Variants in TXK observed in about 807,000 individuals in gnomAD.
TXK encodes tyrosine-protein kinase TXK.
A neutral mutation model predicts 81.0 loss-of-function variants in TXK; 60 were observed. That is an observed-to-expected ratio of 0.74 (90% confidence interval 0.60 to 0.92). TXK has a LOEUF of 0.92. TXK is among the 40% of genes least tolerant of loss of function. The pLI is 0.00. For synonymous variants in TXK, 203 were observed against 210.7 expected (o/e 0.96, Z 0.32); for missense variants, 581 against 638.3 (o/e 0.91, Z 0.97).
intron 1 of TXK, among the ~76,000 whole-genome samples, chr4:48,115,922 A>T (rs1287305348): frequency 6.6e-6 from 1 of 152,186 alleles, no homozygotes; most frequent in Non-Finnish European, 1.5e-5. Flanking sequence ...ACATTTCCCC[A>T]TCAGCTCATA....
intron 6 of TXK, among the ~76,000 whole-genome samples, chr4:48,100,710 T>A (rs1256848280): frequency 6.6e-6 from 1 of 152,194 alleles, no homozygotes; most frequent in Non-Finnish European, 1.5e-5. Context: ...CAAACCCATA[T>A]AAATGGGAAA....
At chr4:48,104,762 T>C in intron 6 of TXK, 139 bp downstream of exon 6, 1 of 623,082 alleles carries the variant, frequency 1.6e-6, no homozygotes, top group Non-Finnish European at 2.7e-6. Flanking sequence ...ATTTACAACT[T>C]CACATAAAAT....
intron 6 of TXK, among the ~76,000 whole-genome samples, chr4:48,102,445 A>T (rs1175388512): frequency 6.6e-6 from 1 of 152,160 alleles, no homozygotes; most frequent in Non-Finnish European, 1.5e-5. Flanking sequence ...GAAGGTATAC[A>T]ATTTCTCACC....
chr4:48,075,182 T>C (rs2109400926), intron 12 of TXK, among the ~76,000 whole-genome samples: 1 of 152,260 alleles, frequency 6.6e-6, no homozygotes, highest in East Asian at 1.9e-4. Context: ...GCCCAAGTAC[T>C]TTAGGAAAGA....
At chr4:48,129,341 G>GT (rs1007408056) in intron 1 of TXK, among the ~76,000 whole-genome samples, 12 of 152,174 alleles carry the variant, frequency 7.9e-5, no homozygotes, top group Admixed American at 3.9e-4. Flanking sequence ...TGACTGTTCT[G>GT]TTTTTTTGAC....
At chr4:48,090,382 C>T (rs1717718592) in intron 8 of TXK, among the ~76,000 whole-genome samples, 1 of 152,158 alleles carries the variant, frequency 6.6e-6, no homozygotes, top group Admixed American at 6.6e-5. Context: ...ATTTATTCAA[C>T]CACCAACGGT....
chr4:48,127,304 T>C (rs1719115602), intron 1 of TXK, among the ~76,000 whole-genome samples: 1 of 152,250 alleles, frequency 6.6e-6, no homozygotes, highest in Non-Finnish European at 1.5e-5. Flanking sequence ...GGGCCAAAAT[T>C]CATTCCAATG....
At chr4:48,105,308 T>C (rs757210718) in intron 5 of TXK, among the ~76,000 whole-genome samples, 2 of 152,212 alleles carry the variant, frequency 1.3e-5, no homozygotes, top group Non-Finnish European at 2.9e-5. Flanking sequence ...AATACTCATT[T>C]CTGTCTTTCC....
intron 1 of TXK, among the ~76,000 whole-genome samples, chr4:48,128,480 T>A (rs1180586041): frequency 1.3e-5 from 2 of 151,464 alleles, no homozygotes; most frequent in South Asian, 4.2e-4. Context: ...CTGCAACATA[T>A]CCTTTTTGTT....
intron 6 of TXK, among the ~76,000 whole-genome samples, chr4:48,101,126 C>T (rs1718176275): frequency 6.6e-6 from 1 of 151,788 alleles, no homozygotes; most frequent in African/African-American, 2.4e-5. Flanking sequence ...TTTTGAACCA[C>T]GTGAACATAC....
At chr4:48,093,358 T>C (rs1347440844) in intron 8 of TXK, among the ~76,000 whole-genome samples, 1 of 152,218 alleles carries the variant, frequency 6.6e-6, no homozygotes, top group Non-Finnish European at 1.5e-5. Context: ...CAAAATGACA[T>C]GAAAAGTTAC....
chr4:48,099,269 A>C (rs1718096430), intron 6 of TXK, among the ~76,000 whole-genome samples: 1 of 152,236 alleles, frequency 6.6e-6, no homozygotes, highest in African/African-American at 2.4e-5. Flanking sequence ...AAAAGATGAA[A>C]TACTTTAAGA....
chr4:48,125,386 A>G (rs927946478), intron 1 of TXK, among the ~76,000 whole-genome samples: 1 of 152,222 alleles, frequency 6.6e-6, no homozygotes, highest in African/African-American at 2.4e-5. Flanking sequence ...AAGGTAACCA[A>G]ATAGGAGCAG....
intron 1 of TXK, among the ~76,000 whole-genome samples, chr4:48,124,438 A>G (rs780232833): frequency 6.7e-6 from 1 of 148,796 alleles, no homozygotes; most frequent in Non-Finnish European, 1.5e-5. Context: ...TTTATTTTTA[A>G]TTTTTTTTTT....
chr4:48,127,957 G>A (rs1415573125), intron 1 of TXK, among the ~76,000 whole-genome samples: 1 of 152,170 alleles, frequency 6.6e-6, no homozygotes, highest in Non-Finnish European at 1.5e-5. Context: ...CCACCAGGGG[G>A]CACTGGAAGA....
rs1717074406 is a variant in TXK, at chr4:48,076,485, A to C, written c.1174-19T>G. 6.2e-7 allele frequency: 1 copy of C among 1,602,476 alleles called. No individual in the cohort carries two copies. The highest frequency in any genetic ancestry group is 8.5e-7 in the Non-Finnish European group (1 of 1,175,868). On this transcript the variant is annotated intron_variant, in intron 11 of 14. Coordinates refer to ENST00000264316, the MANE Select transcript of TXK (RefSeq NM_003328.3). ...TTGCCGCCTATGGAAAGAAGAAAAGAATCCAAGTTTGAATACAAGCTTTTA... is the reference window on the plus strand; with the variant it reads ...TTGCCGCCTATGGAAAGAAGAAAAGCATCCAAGTTTGAATACAAGCTTTTA...
In TXK at chr4:48,076,268, T is replaced by A. The variant is rs546588524; in HGVS notation, c.1238+134A>T. The A allele has an allele frequency of 7.7e-5, 45 of 586,094 alleles. 1 individual carries two copies. Among genetic ancestry groups the A allele is most frequent in the African/African-American group, 7.6e-4 (39 of 51,528 alleles). 36.3% of individuals were successfully genotyped at this position (586,094 alleles called of 1,614,324 possible). A position where few individuals can be genotyped will look rare whatever the true frequency, so the allele number is the denominator to read the frequency against. On this transcript the variant is annotated intron_variant, in intron 12 of 14. Transcript: ENST00000264316. ...AAATTCAAAGTGGGTCAGTAGGCCA[T>A]ACAACCAGGCCTACAACCTAGGAAG...
chr4:48,098,988 T>C (rs541111277), intron 6 of TXK, among the ~76,000 whole-genome samples: 63 of 152,178 alleles, frequency 4.1e-4, no homozygotes, highest in African/African-American at 1.4e-3. Flanking sequence ...CCACTAACTA[T>C]CATCACTGGC....
chr4:48,089,898 C>T (rs1717692260), intron 8 of TXK, 74 bp from the exon 9 acceptor site: 2 of 1,019,660 alleles, frequency 2.0e-6, no homozygotes, highest in South Asian at 3.0e-5. Flanking sequence ...TTCTAGAAGA[C>T]AGTACCATTC....
Sources: gnomAD v4.1 joint callset for allele counts (sites outside exome capture counted in the v4.1 genomes callset) on GRCh38, gnomAD v4.1.1 for gene constraint, MANE v1.5 for transcripts, NCBI Gene and HGNC (gene_info 2026-07-23, HGNC 2026-07-21) for gene names.